CPAMD8: variants seen among roughly 807,000 people sequenced by gnomAD.
CPAMD8 encodes the protein C3 and PZP-like alpha-2-macroglobulin domain-containing protein 8.
Under a neutral mutation model 224.7 loss-of-function variants are expected in CPAMD8, and 146 were observed. The ratio of observed to expected loss-of-function variants is 0.65; its 90% CI spans 0.57 to 0.75. The LOEUF is 0.75. Ranked by LOEUF, CPAMD8 falls within the 30% of genes least tolerant of loss-of-function variation. The probability of loss-of-function intolerance (pLI) is 0.00; values close to 1 mark genes in which losing one functional copy is unlikely to be tolerated. For synonymous variants in CPAMD8, 966 were observed against 1,044.6 expected, an observed-to-expected ratio of 0.92 and a Z score of 1.45; for missense variants, 2,301 against 2,537.5, an observed-to-expected ratio of 0.91 and a Z score of 2.00.
At chr19:16,977,239 T>C in intron 15 of CPAMD8, 129 bp downstream of exon 15, 1 of 658,780 alleles carries the variant, frequency 1.5e-6, no homozygotes, top group Non-Finnish European at 2.7e-6. Flanking sequence ...CAACTCATGT[T>C]CCCATAATTC....
chr19:16,996,457 T>C (rs565294059), intron 11 of CPAMD8, among the ~76,000 whole-genome samples: 14 of 152,154 alleles, frequency 9.2e-5, no homozygotes, highest in South Asian at 2.1e-4. Flanking sequence ...GGTCTGCACC[T>C]GTCAGTCTCA....
Position 17,022,303 on chromosome 19 carries a change from G to A in CPAMD8, c.93-122C>T, listed in dbSNP as rs148012449. 24 of 1,103,864 alleles carry A rather than the reference G, an allele frequency of 2.2e-5. No individual in the cohort carries two copies. The African/African-American group carries it at 3.3e-4, about 15-fold the overall frequency. The allele number at this position is 1,103,864 out of a possible 1,614,324, so 68.4% of individuals were successfully genotyped here. ...GCCTTTTGCTGACCACACCTGGCTG[G>A]CATTGATGCTCTAGGAGTCTGTGCC... On this transcript the variant is annotated intron_variant, in intron 1 of 41. Coordinates refer to ENST00000443236, the MANE Select transcript of CPAMD8 (RefSeq NM_015692.5).
rs574692750 is a variant in CPAMD8 at position 17,019,375 on chromosome 19, G to A, written c.267+956C>T. On this transcript the variant is annotated intron_variant, in intron 3 of 41. Transcript: ENST00000443236. ...TGACCTCAGGTGATCCACCCTCCTC[G>A]GCCTCCCAGAGTGCTAGGATTACAG... 6.6e-5 allele frequency among the ~76,000 whole-genome samples: 10 copies of A among 152,116 alleles called. No individual in the cohort carries two copies. The South Asian group carries it at 1.2e-3, about 19-fold the overall frequency.
In CPAMD8 at chr19:16,903,842, G is replaced by T; in HGVS notation, c.4267C>A (p.Leu1423Met). 2 of 1,613,698 alleles carry T rather than the reference G, an allele frequency of 1.2e-6. No homozygotes were observed. The highest frequency in any genetic ancestry group is 1.7e-6 in the Non-Finnish European group (2 of 1,180,010). Residue 1423 changes from leucine to methionine, a missense_variant, in exon 33 of 42, where the codon CTG becomes ATG. Around this residue, in one of 4 missense-constraint regions of CPAMD8, gnomAD observed 1,709 missense variants for 1,753.2 expected, o/e 0.97. Coordinates refer to ENST00000443236, the MANE Select transcript of CPAMD8 (RefSeq NM_015692.5). ...ATGGCATATTCAGCCAAGGCCTGCA[G>T]AGCCACGCAGGTGTCCTGGGGATGG... Reference protein sequence around the residue: ...FSSTQDTCVALQALAEYAILS... With the variant: ...FSSTQDTCVAMQALAEYAILS...
chr19:16,983,631 G>C (rs2055594364), intron 13 of CPAMD8, among the ~76,000 whole-genome samples: 1 of 152,110 alleles, frequency 6.6e-6, no homozygotes, highest in South Asian at 2.1e-4. Context: ...AGGAGACCAA[G>C]GAGACGTGAT....
chr19:16,927,950 G>T, intron 25 of CPAMD8, 59 bp downstream of exon 25: 4 of 1,260,896 alleles, frequency 3.2e-6, no homozygotes, highest in Non-Finnish European at 4.6e-6. Context: ...TAAGCCTGGA[G>T]TCTCAACTTC....
intron 2 of CPAMD8, among the ~76,000 whole-genome samples, chr19:17,021,251 G>A (rs2056948214): frequency 6.6e-6 from 1 of 152,196 alleles, no homozygotes; most frequent in Non-Finnish European, 1.5e-5. Context: ...CTAGGTATGA[G>A]AGACCACAAA....
chr19:16,939,743 C>T (rs1206477116), intron 22 of CPAMD8, among the ~76,000 whole-genome samples: 1 of 152,130 alleles, frequency 6.6e-6, no homozygotes, highest in Non-Finnish European at 1.5e-5. Context: ...TGCCCAACTG[C>T]TTGAGCTGGG....
At chr19:16,967,894 T>TGTATATATGTGCATATATACACACACAC (rs1568540084) in intron 18 of CPAMD8, among the ~76,000 whole-genome samples, 3,439 of 16,720 alleles carry the variant, frequency 0.21, 576 homozygotes, top group African/African-American at 0.24. Context: ...CACACACATG[T>TGTATATATGTGCATATATACACACACAC]GTGTGTATAT....
In CPAMD8 at chr19:16,947,098, C is replaced by T. The variant is rs1021225057; in HGVS notation, c.2638G>A (p.Asp880Asn). ...CCCGTGATGTTGTTGAGTCCCAGGT[C>T]GCTGAAGGACAGAACGACCCAGATG... is the stretch of plus-strand genomic sequence containing the variant. ...EPIWVVLSFS[D>N]LGLNNITAKA... Residue 880 changes from aspartate to asparagine, a missense_variant, in exon 21 of 42, where the codon GAC becomes AAC. Asp to Asn is a conservative substitution (Grantham distance 23). Transcript: ENST00000443236. 2.4e-5 allele frequency: 38 copies of T among 1,611,732 alleles called. No homozygotes were observed. In the Admixed American group the frequency reaches 3.0e-4, roughly 13 times the overall value.
intron 32 of CPAMD8, 48 bp downstream of exon 32, chr19:16,904,178 C>T (rs771143272): frequency 1.0e-5 from 5 of 495,212 alleles, no homozygotes; most frequent in South Asian, 1.6e-5. Context: ...CTGCAGGGAC[C>T]CCACCCACCC....
intron 13 of CPAMD8, among the ~76,000 whole-genome samples, chr19:16,988,591 C>T (rs2055827203): frequency 6.6e-6 from 1 of 151,054 alleles, no homozygotes; most frequent in Admixed American, 6.6e-5. Flanking sequence ...GCCTGGCTGA[C>T]AGAGTGAGAC....
At chr19:16,997,697 A>G (rs1457272957) in intron 10 of CPAMD8, among the ~76,000 whole-genome samples, 1 of 135,926 alleles carries the variant, frequency 7.4e-6, no homozygotes, top group African/African-American at 2.8e-5. Flanking sequence ...GTAAAAATGT[A>G]AAAAAATAGC....
At chr19:16,935,193 G>A (rs2053650022) in intron 23 of CPAMD8, among the ~76,000 whole-genome samples, 1 of 151,984 alleles carries the variant, frequency 6.6e-6, no homozygotes, top group Non-Finnish European at 1.5e-5. Context: ...CTCTCCCCAT[G>A]GTAACATCTT....
At position 17,009,328 on chromosome 19, in the gene CPAMD8, G is replaced by A. The variant is rs2056584621; in HGVS notation, c.487-8C>T. 3.1e-6 allele frequency: 5 copies of A among 1,614,108 alleles called. No individual in the cohort carries two copies. Among genetic ancestry groups the A allele is most frequent in the Non-Finnish European group, 4.2e-6 (5 of 1,179,984 alleles). ...CAGGATGTAGGCTTCCAGCTGTAAT[G>A]AAGACACAGATGCAGTGAGCAAATC... On this transcript the variant is annotated splice_polypyrimidine_tract_variant and splice_region_variant and intron_variant, in intron 5 of 41. Coordinates refer to ENST00000443236, the MANE Select transcript of CPAMD8 (RefSeq NM_015692.5).
chr19:16,971,059 A>G (rs1320381084), intron 17 of CPAMD8, 26 bp from the exon 18 acceptor site: 15 of 1,570,366 alleles, frequency 9.6e-6, no homozygotes, highest in South Asian at 6.9e-5. Flanking sequence ...CACCCAAACC[A>G]TTGGTGGGGA....
At chr19:16,914,873 C>G in intron 27 of CPAMD8, 60 bp from the exon 28 acceptor site, 1 of 1,318,586 alleles carries the variant, frequency 7.6e-7, no homozygotes, top group South Asian at 1.4e-5. Flanking sequence ...CACATGCTGG[C>G]TGAGGGATTG....
chr19:17,024,536 G>A (rs78964230), intron 1 of CPAMD8, among the ~76,000 whole-genome samples: 3,693 of 152,334 alleles, frequency 0.024, 126 homozygotes, highest in African/African-American at 0.083. Flanking sequence ...TACATGGTGA[G>A]TGTAGAAGAG....
chr19:16,950,697 G>A lies in CPAMD8; in HGVS notation c.2508+1272C>T, dbSNP rs984853388. Among the ~76,000 whole-genome samples the A allele has an allele frequency of 7.3e-5, 11 of 151,470 alleles. 1 individual carries two copies. In the South Asian group the frequency reaches 1.0e-3, roughly 14 times the overall value. On this transcript the variant is annotated intron_variant, in intron 20 of 41. Coordinates refer to ENST00000443236, the MANE Select transcript of CPAMD8 (RefSeq NM_015692.5). ...AGTCCCATCTACTTGAGAGGCTGAGGAGGGGGGATTGCTTGAGCCCAGGAG... is the reference window on the plus strand; with the variant it reads ...AGTCCCATCTACTTGAGAGGCTGAGAAGGGGGGATTGCTTGAGCCCAGGAG...
Sources: allele counts gnomAD v4.1 joint callset (sites outside exome capture counted in the v4.1 genomes callset), GRCh38; gene constraint gnomAD v4.1.1; regional missense constraint gnomAD v4.1.1; transcripts MANE v1.5; gene names NCBI Gene and HGNC (gene_info 2026-07-23, HGNC 2026-07-21).